The following ZFTRAF1 variants were observed in gnomAD, a reference collection of about 807,000 sequenced individuals.
ZFTRAF1 encodes the protein zinc finger TRAF-type and ring finger containing 1, also known as zinc finger TRAF-type-containing protein 1.
the ZFTRAF1 span, chr8:144,462,158 C>G: frequency 2.7e-5 from 10 of 370,590 alleles, no homozygotes; most frequent in Middle Eastern, 7.3e-4. Flanking sequence ...GCTGTAAGGG[C>G]CAGAGAGGGT....
the ZFTRAF1 span, chr8:144,451,599 G>A: frequency 2.4e-3 from 362 of 154,034 alleles, no homozygotes; most frequent in Non-Finnish European, 3.3e-3. Context: ...CTTGCGCCAC[G>A]CCTGGTGCTC....
chr8:144,453,577 G>A, the ZFTRAF1 span: 5 of 902,730 alleles, frequency 5.5e-6, no homozygotes, highest in Non-Finnish European at 8.4e-6. Context: ...TGGTGCAGAG[G>A]GGCGCACGTG....
chr8:144,462,237 C>T, the ZFTRAF1 span: 1 of 493,628 alleles, frequency 2.0e-6, no homozygotes, highest in Non-Finnish European at 3.5e-6. Flanking sequence ...GCGGCGGGGG[C>T]TGCAGCCCCG....
the ZFTRAF1 span, among the ~76,000 whole-genome samples, chr8:144,461,761 C>T: frequency 2.0e-5 from 3 of 152,172 alleles, no homozygotes; most frequent in East Asian, 1.9e-4. Context: ...AGAAAGGATT[C>T]TTCCACCCAG....
the ZFTRAF1 span, among the ~76,000 whole-genome samples, chr8:144,462,028 C>T: frequency 6.6e-6 from 1 of 152,116 alleles, no homozygotes; most frequent in Non-Finnish European, 1.5e-5. Context: ...CGATTCAGAT[C>T]GGGAAGTACC....
At chr8:144,452,824 CTCT>C in the ZFTRAF1 span, among the ~76,000 whole-genome samples, 3 of 152,210 alleles carry the variant, frequency 2.0e-5, no homozygotes, top group African/African-American at 7.2e-5. Context: ...TGGTTCTCTC[CTCT>C]GTTTGGCAGT....
At chr8:144,450,538 G>A in the ZFTRAF1 span, 12 of 718,178 alleles carry the variant, frequency 1.7e-5, no homozygotes, top group African/African-American at 1.0e-4. Context: ...TGATCCTCAC[G>A]TCGTCGTAGG....
chr8:144,454,800 A>C, the ZFTRAF1 span: 1 of 152,330 alleles, frequency 6.6e-6, no homozygotes, highest in Non-Finnish European at 1.5e-5. Flanking sequence ...GGGAAGTCTG[A>C]GCTGCCATCC....
chr8:144,462,202 G>C, the ZFTRAF1 span: 1 of 455,334 alleles, frequency 2.2e-6, no homozygotes, highest in South Asian at 2.8e-5. Context: ...CCTGGCCTCC[G>C]AGGAGACGCG....
At chr8:144,462,557 C>G in the ZFTRAF1 span, 1 of 146,492 alleles carries the variant, frequency 6.8e-6, no homozygotes, top group Non-Finnish European at 1.5e-5. Context: ...GGCGGCCGCC[C>G]CGGGCCCGGC....
the ZFTRAF1 span, among the ~76,000 whole-genome samples, chr8:144,461,695 C>G: frequency 6.6e-6 from 1 of 152,172 alleles, no homozygotes; most frequent in African/African-American, 2.4e-5. Flanking sequence ...TTCATCCCGA[C>G]AAACAGCAAT....
chr8:144,450,754 C>T, the ZFTRAF1 span: 29 of 702,042 alleles, frequency 4.1e-5, no homozygotes, highest in African/African-American at 2.5e-4. Flanking sequence ...CTGTGCGGTA[C>T]GGCCGGAACT....
At chr8:144,459,470 G>A in the ZFTRAF1 span, among the ~76,000 whole-genome samples, 4 of 152,248 alleles carry the variant, frequency 2.6e-5, no homozygotes, top group Non-Finnish European at 4.4e-5. Flanking sequence ...CGGCGGTGGC[G>A]GAAACCTTTT....
the ZFTRAF1 span, among the ~76,000 whole-genome samples, chr8:144,459,080 C>A: frequency 6.6e-6 from 1 of 152,232 alleles, no homozygotes; most frequent in East Asian, 1.9e-4. Flanking sequence ...CACTGGGCCT[C>A]GTCTGAAGGG....
the ZFTRAF1 span, among the ~76,000 whole-genome samples, chr8:144,461,153 G>A: frequency 6.6e-6 from 1 of 152,224 alleles, no homozygotes; most frequent in African/African-American, 2.4e-5. Context: ...AGGACTTGGA[G>A]ATCCAGAGTT....
chr8:144,461,329 G>A, the ZFTRAF1 span, among the ~76,000 whole-genome samples: 3 of 152,216 alleles, frequency 2.0e-5, no homozygotes, highest in Non-Finnish European at 2.9e-5. Flanking sequence ...TTTCTCACAG[G>A]GACTGGGGAG....
chr8:144,452,326 G>C, the ZFTRAF1 span: 1 of 1,544,176 alleles, frequency 6.5e-7, no homozygotes, highest in Non-Finnish European at 8.7e-7. Flanking sequence ...ACCCACACCT[G>C]TGTGGCATGC....
At chr8:144,449,799 C>CTCT in the ZFTRAF1 span, 2 of 161,680 alleles carry the variant, frequency 1.2e-5, no homozygotes, top group Non-Finnish European at 2.7e-5. Context: ...GAGGCAGTGT[C>CTCT]TCTGAGTCTT....
chr8:144,452,671 T>G, the ZFTRAF1 span: 5 of 1,135,466 alleles, frequency 4.4e-6, no homozygotes, highest in Non-Finnish European at 6.2e-6. Flanking sequence ...AACCCCTTCC[T>G]GCAGGACACA....
Sources: gnomAD v4.1 joint callset for allele counts (sites outside exome capture counted in the v4.1 genomes callset) on GRCh38, gnomAD v4.1.1 for gene constraint, MANE v1.5 for transcripts, NCBI Gene and HGNC (gene_info 2026-07-23, HGNC 2026-07-21) for gene names.